CHM: variants seen among roughly 807,000 people sequenced by gnomAD.
The protein encoded by CHM is CHM Rab escort protein, also known as rab proteins geranylgeranyltransferase component A 1.
Under a neutral mutation model 49.0 loss-of-function variants are expected in CHM, and 10 were observed. That is an observed-to-expected ratio of 0.20 (90% CI 0.13 to 0.35). CHM has a LOEUF of 0.35. CHM is among the 10% of genes least tolerant of loss of function. The probability of loss-of-function intolerance (pLI) is 1.00; values close to 1 mark genes in which losing one functional copy is unlikely to be tolerated. For missense variants in CHM, 455 were observed against 478.4 expected (o/e 0.95, Z 0.46); for synonymous variants, 184 against 167.5 (o/e 1.10, Z -0.76).
In CHM at chrX:85,891,960, C is replaced by T. The variant is rs188609062; in HGVS notation, c.1510+2228G>A. Among the ~76,000 whole-genome samples the T allele has an allele frequency of 6.2e-5, 7 of 112,108 alleles. No homozygotes were observed. In the East Asian group the frequency reaches 1.7e-3, roughly 27 times the overall value. The stretch of plus-strand genomic sequence containing the variant: ...TATCAGTGTGACCTGGATGTGAGAC[C>T]TGGAGTCAAAGGAGATCATTTTGGA... On this transcript the variant is annotated intron_variant, in intron 12 of 14. Coordinates refer to ENST00000357749, the MANE Select transcript of CHM (RefSeq NM_000390.4).
chrX:85,875,187 G>C (rs917667586), intron 13 of CHM, among the ~76,000 whole-genome samples: 1 of 111,896 alleles, frequency 8.9e-6, no homozygotes, highest in Non-Finnish European at 1.9e-5. Flanking sequence ...ATCAGGCTTT[G>C]ACCTTAAAAC....
chrX:85,977,099 CTAAG>C (rs751298082), intron 4 of CHM, among the ~76,000 whole-genome samples: 307 of 111,826 alleles, frequency 2.7e-3, no homozygotes, highest in African/African-American at 9.5e-3. Context: ...CTTGCTGGGG[CTAAG>C]TGAGATATTG....
chrX:85,883,871 C>T (rs891378318), intron 12 of CHM, among the ~76,000 whole-genome samples: 1 of 110,147 alleles, frequency 9.1e-6, no homozygotes, highest in Non-Finnish European at 1.9e-5. Context: ...CCTGTAACAT[C>T]AAATCCCAGA....
chrX:85,875,609 CCTGA>C (rs777177884), intron 13 of CHM, among the ~76,000 whole-genome samples: 19 of 111,579 alleles, frequency 1.7e-4, no homozygotes, highest in Non-Finnish European at 3.0e-4. Flanking sequence ...CTGTCATAGC[CCTGA>C]CTGAGTCTGG....
At position 85,900,722 on chromosome X, in the gene CHM, A is replaced by T; in HGVS notation, c.1350-13T>A. ...CCTGGAGATCTGCCTGTAATGCACA[A>T]AACAGTGAAGCAGTAATTCTGATTC... On this transcript the variant is annotated splice_polypyrimidine_tract_variant and intron_variant, in intron 10 of 14. Transcript: ENST00000357749. The T allele has an allele frequency of 8.7e-7, 1 of 1,142,965 alleles. No homozygotes were observed. Among genetic ancestry groups the T allele is most frequent in the Non-Finnish European group, 1.2e-6 (1 of 835,113 alleles). The allele number at this position is 1,142,965 out of a possible 1,213,427, so 94.2% of individuals were successfully genotyped here.
intron 2 of CHM, among the ~76,000 whole-genome samples, chrX:86,009,846 A>T (rs1338476855): frequency 9.0e-6 from 1 of 111,042 alleles, no homozygotes; most frequent in Admixed American, 9.6e-5. Flanking sequence ...AGATGATCTG[A>T]GACTATTAAC....
At chrX:85,904,907 A>C (rs748087097) in intron 9 of CHM, among the ~76,000 whole-genome samples, 1 of 111,908 alleles carries the variant, frequency 8.9e-6, no homozygotes, top group East Asian at 2.8e-4. Context: ...TAAATACTTA[A>C]TTGAAAAACA....
At chrX:85,916,225 C>G (rs905494761) in intron 8 of CHM, among the ~76,000 whole-genome samples, 2 of 111,944 alleles carry the variant, frequency 1.8e-5, no homozygotes, top group East Asian at 5.6e-4. Context: ...ATAAATGGTG[C>G]TAGGATAACT....
rs186597477 is a variant in CHM at position 85,968,616 on chromosome X, G to C, written c.315-4564C>G. ...CAATAAGATAATGATGAGTCTGCTG[G>C]GGGCCCTTGTTGAAGACTTTCCAGT... On this transcript the variant is annotated intron_variant, in intron 4 of 14. Transcript: ENST00000357749. Among the ~76,000 whole-genome samples the C allele has an allele frequency of 8.1e-5, 9 of 111,587 alleles. No homozygotes were observed. Among genetic ancestry groups the C allele is most frequent in the Non-Finnish European group, 1.7e-4 (9 of 53,125 alleles).
chrX:85,978,977 A>G, intron 3 of CHM, 86 bp from the exon 4 acceptor site: 1 of 965,810 alleles, frequency 1.0e-6, no homozygotes, highest in South Asian at 2.0e-5. Flanking sequence ...TCTTGTCTAA[A>G]TTCATGCTTA....
At chrX:86,035,952 C>A (rs767108372) in intron 1 of CHM, among the ~76,000 whole-genome samples, 1 of 109,078 alleles carries the variant, frequency 9.2e-6, no homozygotes, top group East Asian at 2.9e-4. Context: ...CGCCACCATG[C>A]CCGGCTAATT....
At chrX:85,879,467 TA>T (rs751440451) in intron 12 of CHM, among the ~76,000 whole-genome samples, 2 of 110,429 alleles carry the variant, frequency 1.8e-5, no homozygotes, top group Non-Finnish European at 3.8e-5. Context: ...CAGGGTTATC[TA>T]AAAACCTTTT....
intron 2 of CHM, among the ~76,000 whole-genome samples, chrX:86,026,102 CTTTTTTTTTTTTTTTTTTTTTTTTTTT>C (rs1167691945): frequency 3.7e-5 from 1 of 26,767 alleles, no homozygotes; most frequent in Non-Finnish European, 7.6e-5. Flanking sequence ...AGCAGATTTT[CTTTTTTTTTTTTTTTTTTTTTTTTTTT>C]TTTTTTTTTT....
chrX:85,941,615 C>A (rs1198421347), intron 8 of CHM, among the ~76,000 whole-genome samples: 1 of 111,415 alleles, frequency 9.0e-6, no homozygotes, highest in African/African-American at 3.3e-5. Context: ...GTTGGAAAAA[C>A]CTGCCACCTA....
intron 10 of CHM, 107 bp downstream of exon 10, chrX:85,900,977 A>G (rs1306660220): frequency 5.2e-6 from 3 of 577,155 alleles, no homozygotes; most frequent in Non-Finnish European, 8.7e-6. Flanking sequence ...TAAGATATTG[A>G]ATATATCTTT....
At chrX:86,010,331 T>C (rs1303853495) in intron 2 of CHM, among the ~76,000 whole-genome samples, 5 of 102,832 alleles carry the variant, frequency 4.9e-5, no homozygotes, top group Non-Finnish European at 9.8e-5. Context: ...TGCGCACATG[T>C]ACCCTAGAAC....
intron 4 of CHM, among the ~76,000 whole-genome samples, chrX:85,965,124 C>G (rs186554482): frequency 5.6e-4 from 63 of 112,347 alleles, no homozygotes; most frequent in Non-Finnish European, 1.1e-3. Context: ...ATCTCTAACT[C>G]CGAATTTATC....
At chrX:85,982,100 A>G (rs1054724563) in intron 2 of CHM, among the ~76,000 whole-genome samples, 5 of 111,797 alleles carry the variant, frequency 4.5e-5, no homozygotes, top group African/African-American at 1.6e-4. Flanking sequence ...TGACATGGGC[A>G]TTTAGCAGGT....
chrX:85,970,149 A>AT (rs1165126027), intron 4 of CHM: 1 of 324,042 alleles, frequency 3.1e-6, no homozygotes, highest in African/African-American at 2.9e-5. Context: ...AATTAGCCTA[A>AT]TTTGATCATT....
Sources: gnomAD v4.1 joint callset for allele counts (sites outside exome capture counted in the v4.1 genomes callset) on GRCh38, gnomAD v4.1.1 for gene constraint, MANE v1.5 for transcripts, NCBI Gene and HGNC (gene_info 2026-07-23, HGNC 2026-07-21) for gene names.